Variants in N4BP2L2 observed in about 807,000 individuals in gnomAD.
N4BP2L2 encodes NEDD4-binding protein 2-like 2.
A neutral mutation model predicts 56.2 loss-of-function variants in N4BP2L2; 50 were observed. The ratio of observed to expected loss-of-function variants is 0.89; its 90% CI spans 0.71 to 1.13. The LOEUF is 1.13. N4BP2L2 is among the 50% of genes most tolerant of loss of function. The probability of loss-of-function intolerance (pLI) is 0.00; values close to 1 mark genes in which losing one functional copy is unlikely to be tolerated. For missense variants in N4BP2L2, 689 were observed against 693.8 expected, an observed-to-expected ratio of 0.99 and a Z score of 0.08; for synonymous variants, 203 against 223.6, an observed-to-expected ratio of 0.91 and a Z score of 0.82.
intron 6 of N4BP2L2, among the ~76,000 whole-genome samples, chr13:32,448,485 T>C (rs1416048642): frequency 1.3e-5 from 2 of 152,172 alleles, no homozygotes; most frequent in African/African-American, 2.4e-5. Context: ...GAACAAATGG[T>C]AACACATCTA....
At chr13:32,470,361 C>T (rs1042201398) in intron 6 of N4BP2L2, among the ~76,000 whole-genome samples, 3 of 152,132 alleles carry the variant, frequency 2.0e-5, no homozygotes, top group African/African-American at 7.2e-5. Flanking sequence ...GCGGGAATGC[C>T]CCTCTTGCCT....
intron 6 of N4BP2L2, among the ~76,000 whole-genome samples, chr13:32,489,595 AAG>A (rs1259366046): frequency 1.3e-5 from 2 of 152,194 alleles, no homozygotes; most frequent in African/African-American, 4.8e-5. Context: ...AAATATGGAA[AAG>A]AGTTTTTATT....
chr13:32,479,939 C>T (rs1451641020), intron 6 of N4BP2L2, among the ~76,000 whole-genome samples: 2 of 151,702 alleles, frequency 1.3e-5, no homozygotes, highest in Non-Finnish European at 2.9e-5. Flanking sequence ...GAAAATAAGA[C>T]AGAGTCAATG....
chr13:32,491,451 C>G (rs1269508053), intron 6 of N4BP2L2, among the ~76,000 whole-genome samples: 1 of 150,570 alleles, frequency 6.6e-6, no homozygotes, highest in Non-Finnish European at 1.5e-5. Flanking sequence ...GGGCTGGTCA[C>G]ACCAAAAGAA....
chr13:32,481,483 T>C (rs169600), intron 6 of N4BP2L2, among the ~76,000 whole-genome samples: 109,537 of 152,102 alleles, frequency 0.72, 39,781 homozygotes, highest in Non-Finnish European at 0.75. Context: ...CCCAAGCTGA[T>C]TACCAGTATT....
chr13:32,487,426 G>A (rs1175048659), intron 6 of N4BP2L2, among the ~76,000 whole-genome samples: 2 of 150,020 alleles, frequency 1.3e-5, no homozygotes, highest in African/African-American at 2.5e-5. Flanking sequence ...GCAATGAGCC[G>A]TGACCGCACC....
exon 7 of N4BP2L2, chr13:32,444,079 T>G: frequency 6.3e-7 from 1 of 1,575,994 alleles, no homozygotes; most frequent in Non-Finnish European, 8.6e-7. Flanking sequence ...GTTCCTCTTC[T>G]GTTTGGTTTT....
chr13:32,443,426 A>C, exon 7 of N4BP2L2: 2 of 1,614,026 alleles, frequency 1.2e-6, no homozygotes, highest in Non-Finnish European at 1.7e-6. Context: ...TCTTCATCAG[A>C]TAAATTGGTT....
intron 7 of N4BP2L2, among the ~76,000 whole-genome samples, chr13:32,439,093 T>C (rs2075877208): frequency 6.6e-6 from 1 of 152,254 alleles, no homozygotes; most frequent in Non-Finnish European, 1.5e-5. Flanking sequence ...CCTCTGCTTT[T>C]CTTTCAAGCT....
chr13:32,487,947 C>T (rs555186094), intron 6 of N4BP2L2, among the ~76,000 whole-genome samples: 9 of 152,112 alleles, frequency 5.9e-5, no homozygotes, highest in African/African-American at 1.9e-4. Context: ...AAACCTCCAC[C>T]TCCCAGGTTC....
intron 6 of N4BP2L2, among the ~76,000 whole-genome samples, chr13:32,501,909 C>A (rs559092224): frequency 2.6e-5 from 4 of 151,494 alleles, no homozygotes; most frequent in Non-Finnish European, 5.9e-5. Context: ...GGTGAGAAAA[C>A]CTTGCCAGTA....
chr13:32,455,734 A>C (rs1351086015), intron 6 of N4BP2L2, among the ~76,000 whole-genome samples: 1 of 152,054 alleles, frequency 6.6e-6, no homozygotes, highest in Non-Finnish European at 1.5e-5. Context: ...GCCCAAGCCC[A>C]CTACCCTGGG....
chr13:32,537,935 G>C (rs1018650834), intron 1 of N4BP2L2, among the ~76,000 whole-genome samples: 20 of 152,116 alleles, frequency 1.3e-4, no homozygotes, highest in African/African-American at 4.6e-4. Flanking sequence ...CCGGGCATGG[G>C]GGCGCGCACT....
At chr13:32,466,270 G>T (rs2081222531) in intron 6 of N4BP2L2, among the ~76,000 whole-genome samples, 2 of 151,978 alleles carry the variant, frequency 1.3e-5, no homozygotes, top group South Asian at 4.2e-4. Flanking sequence ...TTGAGCAAAA[G>T]AAGCTAGTCA....
At chr13:32,435,978 C>T (rs1593360992) in intron 9 of N4BP2L2, among the ~76,000 whole-genome samples, 1 of 152,206 alleles carries the variant, frequency 6.6e-6, no homozygotes, top group East Asian at 1.9e-4. Flanking sequence ...ATATGTTTTA[C>T]CTCTTTTCCT....
intron 6 of N4BP2L2, chr13:32,446,608 A>G: frequency 1.9e-6 from 2 of 1,062,504 alleles, no homozygotes; most frequent in South Asian, 1.5e-5. Flanking sequence ...AGTTTAATGC[A>G]CTTAATGTAT....
intron 3 of N4BP2L2, chr13:32,523,933 C>A (rs1168282433): frequency 6.6e-6 from 1 of 152,094 alleles, no homozygotes; most frequent in African/African-American, 2.4e-5. Context: ...TGTAACCAAA[C>A]ACCTCTTGTT....
At chr13:32,486,012 G>A (rs2085772519) in intron 6 of N4BP2L2, among the ~76,000 whole-genome samples, 1 of 152,178 alleles carries the variant, frequency 6.6e-6, no homozygotes, top group Non-Finnish European at 1.5e-5. Flanking sequence ...AGAGGTTGCG[G>A]TGAACCAAGA....
At chr13:32,524,273 C>T (rs2051979086) in intron 3 of N4BP2L2, 1 of 152,230 alleles carries the variant, frequency 6.6e-6, no homozygotes, top group Non-Finnish European at 1.5e-5. Flanking sequence ...CATTCAAAAG[C>T]TTATTAAAAT....
Sources: gnomAD v4.1 joint callset for allele counts (sites outside exome capture counted in the v4.1 genomes callset) on GRCh38, gnomAD v4.1.1 for gene constraint, MANE v1.5 for transcripts, NCBI Gene and HGNC (gene_info 2026-07-23, HGNC 2026-07-21) for gene names.